SPIDR: variants seen among roughly 807,000 people sequenced by gnomAD.
SPIDR encodes scaffold protein involved in DNA repair, also known as DNA repair-scaffolding protein.
A neutral mutation model predicts 104.6 loss-of-function variants in SPIDR; 93 were observed. The observed-to-expected ratio is 0.89, with a 90% CI of 0.75 to 1.06. SPIDR has a LOEUF of 1.06. SPIDR is among the 50% of genes least tolerant of loss of function. The pLI, the probability that SPIDR is intolerant of heterozygous loss-of-function variation, is 0.00. For synonymous variants in SPIDR, 431 were observed against 416.9 expected (o/e 1.03, Z -0.41); for missense variants, 1,154 against 1,111.2 (o/e 1.04, Z -0.55).
chr8:47,515,290 A>G (rs778027287), intron 8 of SPIDR, among the ~76,000 whole-genome samples: 2 of 152,262 alleles, frequency 1.3e-5, no homozygotes, highest in African/African-American at 2.4e-5. Context: ...TACAGAATTA[A>G]GCTCATAGTT....
intron 14 of SPIDR, among the ~76,000 whole-genome samples, chr8:47,708,935 C>T (rs2081453285): frequency 6.7e-6 from 1 of 149,772 alleles, no homozygotes; most frequent in African/African-American, 2.5e-5. Flanking sequence ...TGAAGGACAT[C>T]TTGGTTGTTT....
chr8:47,620,901 A>G (rs765938489), intron 10 of SPIDR, among the ~76,000 whole-genome samples: 8 of 151,466 alleles, frequency 5.3e-5, no homozygotes, highest in Admixed American at 1.3e-4. Flanking sequence ...TACAGGCATT[A>G]GCTAGCATGC....
intron 7 of SPIDR, among the ~76,000 whole-genome samples, chr8:47,408,785 A>T (rs1416374375): frequency 6.6e-6 from 1 of 152,240 alleles, no homozygotes; most frequent in Non-Finnish European, 1.5e-5. Context: ...TACCAAAATC[A>T]ATTGCATTTC....
chr8:47,597,536 T>C (rs995216690), intron 9 of SPIDR, among the ~76,000 whole-genome samples: 1 of 152,234 alleles, frequency 6.6e-6, no homozygotes, highest in African/African-American at 2.4e-5. Flanking sequence ...TCAAACATGC[T>C]GTCCATTGTT....
chr8:47,499,873 A>G (rs1002146599), intron 8 of SPIDR, among the ~76,000 whole-genome samples: 3 of 151,426 alleles, frequency 2.0e-5, no homozygotes, highest in African/African-American at 7.3e-5. Flanking sequence ...GTTCTCACCT[A>G]TGAGTGAGAA....
At position 47,365,218 on chromosome 8, in the gene SPIDR, C is replaced by T. The variant is rs533318877; in HGVS notation, c.526-31158C>T. ...TCCTGGACTTGCAGAGAGGGTCTCC[C>T]TGGCCACCTTCCACATTCACGTGGT... On this transcript the variant is annotated intron_variant, in intron 5 of 19. Coordinates refer to ENST00000297423, the MANE Select transcript of SPIDR (RefSeq NM_001080394.4). Among the ~76,000 whole-genome samples, 533 of 152,290 alleles carry T rather than the reference C, an allele frequency of 3.5e-3. 1 individual carries two copies. The highest frequency in any genetic ancestry group is 5.9e-3 in the Non-Finnish European group (404 of 68,016).
chr8:47,287,878 A>G (rs1181101927), intron 3 of SPIDR, among the ~76,000 whole-genome samples: 3 of 152,366 alleles, frequency 2.0e-5, no homozygotes, highest in Admixed American at 2.0e-4. Context: ...CAGGATTAAG[A>G]GAGTAAAGAC....
intron 8 of SPIDR, among the ~76,000 whole-genome samples, chr8:47,463,585 C>T (rs2074300040): frequency 6.6e-6 from 1 of 152,034 alleles, no homozygotes; most frequent in Non-Finnish European, 1.5e-5. Flanking sequence ...AAACTGGAGA[C>T]CAGTATCCCT....
At chr8:47,297,545 G>A (rs1196215633) in intron 5 of SPIDR, among the ~76,000 whole-genome samples, 1 of 151,958 alleles carries the variant, frequency 6.6e-6, no homozygotes, top group Non-Finnish European at 1.5e-5. Flanking sequence ...CCATGTCGGT[G>A]TGCTGCACCC....
intron 5 of SPIDR, among the ~76,000 whole-genome samples, chr8:47,349,748 G>C (rs1554621013): frequency 6.6e-6 from 1 of 152,254 alleles, no homozygotes; most frequent in Non-Finnish European, 1.5e-5. Flanking sequence ...CAGTGAGCAA[G>C]GGTCCGTGGG....
intron 7 of SPIDR, among the ~76,000 whole-genome samples, chr8:47,424,303 C>G (rs377513483): frequency 1.3e-5 from 2 of 152,070 alleles, no homozygotes; most frequent in Non-Finnish European, 2.9e-5. Context: ...AAAGTAGTTA[C>G]AAATGTTCTT....
intron 1 of SPIDR, among the ~76,000 whole-genome samples, chr8:47,267,715 A>G (rs1473434132): frequency 6.6e-6 from 1 of 152,216 alleles, no homozygotes; most frequent in Non-Finnish European, 1.5e-5. Flanking sequence ...TTTATTGTGG[A>G]ATCACGAGTT....
chr8:47,690,337 G>C (rs1188618395), intron 11 of SPIDR, among the ~76,000 whole-genome samples: 1 of 152,066 alleles, frequency 6.6e-6, no homozygotes, highest in Non-Finnish European at 1.5e-5. Flanking sequence ...AAGTAGAACA[G>C]AAGTGTGTAA....
intron 7 of SPIDR, among the ~76,000 whole-genome samples, chr8:47,411,730 A>C (rs1395043357): frequency 3.3e-5 from 5 of 152,144 alleles, no homozygotes; most frequent in Non-Finnish European, 7.3e-5. Flanking sequence ...GTCCTTGCCC[A>C]TGCCCATGTC....
chr8:47,277,666 C>T (rs1395210652), intron 1 of SPIDR, among the ~76,000 whole-genome samples: 6 of 147,852 alleles, frequency 4.1e-5, no homozygotes, highest in African/African-American at 1.5e-4. Flanking sequence ...CTGTGTTTAA[C>T]CTCTTTTTTT....
At position 47,654,972 on chromosome 8, in the gene SPIDR, C is replaced by T. The variant is rs113364240; in HGVS notation, c.1545-18829C>T. On this transcript the variant is annotated intron_variant, in intron 10 of 19. Transcript: ENST00000297423. Reference sequence around the variant, plus strand: ...ATTCCTACCTATGAGTGAGAACATGCGGTGTTTGGTTTTCTGTCCCTGTGA... The same window carrying T: ...ATTCCTACCTATGAGTGAGAACATGTGGTGTTTGGTTTTCTGTCCCTGTGA... Among the ~76,000 whole-genome samples the T allele has an allele frequency of 5.7e-3, 861 of 151,836 alleles. 3 individuals are homozygous for T. The highest frequency in any genetic ancestry group is 9.6e-3 in the Non-Finnish European group (650 of 67,970).
intron 8 of SPIDR, among the ~76,000 whole-genome samples, chr8:47,593,388 A>T (rs1013197508): frequency 6.6e-6 from 1 of 150,796 alleles, no homozygotes; most frequent in Non-Finnish European, 1.5e-5. Flanking sequence ...TGCTGAGACT[A>T]TTTTTTTTCA....
At chr8:47,345,139 A>G (rs529202866) in intron 5 of SPIDR, among the ~76,000 whole-genome samples, 4 of 152,226 alleles carry the variant, frequency 2.6e-5, no homozygotes, top group African/African-American at 4.8e-5. Flanking sequence ...TAATTTTTAT[A>G]TAAGGTGTAA....
Position 47,396,377 on chromosome 8 carries a change from C to A in SPIDR, c.527C>A (p.Pro176Gln). The A allele has an allele frequency of 1.3e-6, 2 of 1,595,484 alleles. No homozygotes were observed. Among genetic ancestry groups the A allele is most frequent in the Non-Finnish European group, 1.7e-6 (2 of 1,166,514 alleles). Residue 176 changes from proline to glutamine, a missense_variant and splice_region_variant, in exon 6 of 20, where the codon CCA becomes CAA. Coordinates refer to ENST00000297423, the MANE Select transcript of SPIDR (RefSeq NM_001080394.4). ...SDEKLSELPK[P>Q]SSIEILEYSS... Reference sequence around the variant, plus strand: ...GCCTTTCTTTTAATTTTTTTTCAGCCAAGTTCTATAGAAATTTTAGAGTAT... The same window carrying A: ...GCCTTTCTTTTAATTTTTTTTCAGCAAAGTTCTATAGAAATTTTAGAGTAT...
Sources: allele counts gnomAD v4.1 joint callset (sites outside exome capture counted in the v4.1 genomes callset), GRCh38; gene constraint gnomAD v4.1.1; transcripts MANE v1.5; gene names NCBI Gene and HGNC (gene_info 2026-07-23, HGNC 2026-07-21).